NELL1: variants seen among roughly 807,000 people sequenced by gnomAD.
NELL1 encodes the protein protein kinase C-binding protein NELL1.
In NELL1, 76 loss-of-function variants were observed where a neutral mutation model predicts 107.4. The observed-to-expected ratio is 0.71, with a 90% confidence interval of 0.59 to 0.86. The LOEUF (loss-of-function observed/expected upper bound fraction) is 0.86. NELL1 is among the 40% of genes least tolerant of loss of function. NELL1 has a pLI of 0.00. For synonymous variants in NELL1, 353 were observed against 341.2 expected (o/e 1.03, Z -0.38); for missense variants, 1,024 against 1,005.5 (o/e 1.02, Z -0.25).
chr11:21,318,047 A>G (rs570465995), intron 14 of NELL1, among the ~76,000 whole-genome samples: 1 of 152,158 alleles, frequency 6.6e-6, no homozygotes, highest in Admixed American at 6.6e-5. Context: ...GAAGACAGCT[A>G]TTAATCCTGG....
At chr11:21,082,868 A>G (rs1854302361) in intron 12 of NELL1, among the ~76,000 whole-genome samples, 1 of 152,222 alleles carries the variant, frequency 6.6e-6, no homozygotes, top group African/African-American at 2.4e-5. Context: ...GCGAAAACAT[A>G]CAGCATAGTG....
chr11:21,242,973 G>A (rs1310799580), intron 14 of NELL1, among the ~76,000 whole-genome samples: 8 of 152,038 alleles, frequency 5.3e-5, no homozygotes, highest in African/African-American at 1.9e-4. Context: ...TTGTCCATAT[G>A]ACAGTTCCCT....
intron 15 of NELL1, among the ~76,000 whole-genome samples, chr11:21,436,788 G>A (rs542154651): frequency 2.0e-5 from 3 of 151,848 alleles, no homozygotes. Context: ...TGCTTTTTCT[G>A]TGTCCCATTG....
At chr11:21,189,530 G>C (rs1857005527) in intron 13 of NELL1, among the ~76,000 whole-genome samples, 2 of 151,716 alleles carry the variant, frequency 1.3e-5, no homozygotes. Context: ...CTATACTTTA[G>C]ACAAGGCATG....
chr11:21,375,597 G>C (rs1023923116), intron 15 of NELL1, among the ~76,000 whole-genome samples: 1 of 152,054 alleles, frequency 6.6e-6, no homozygotes. Flanking sequence ...GGATCAAATA[G>C]TAGTTTTAAG....
chr11:20,698,940 G>T (rs1854695308), intron 2 of NELL1, among the ~76,000 whole-genome samples: 1 of 152,088 alleles, frequency 6.6e-6, no homozygotes, highest in African/African-American at 2.4e-5. Context: ...CTCCAAACTG[G>T]GCGTGGTGGC....
At chr11:21,296,716 TAGAC>T (rs1312018518) in intron 14 of NELL1, among the ~76,000 whole-genome samples, 2 of 151,898 alleles carry the variant, frequency 1.3e-5, no homozygotes, top group African/African-American at 4.8e-5. Flanking sequence ...TCAAACAACT[TAGAC>T]AGATGGAATG....
chr11:20,838,602 G>T (rs1328903896), intron 3 of NELL1, among the ~76,000 whole-genome samples: 1 of 151,848 alleles, frequency 6.6e-6, no homozygotes, highest in Non-Finnish European at 1.5e-5. Flanking sequence ...GAGAAGACTG[G>T]GTACAGGATG....
intron 5 of NELL1, among the ~76,000 whole-genome samples, chr11:20,910,814 G>A (rs1034556618): frequency 6.6e-6 from 1 of 152,212 alleles, no homozygotes; most frequent in Non-Finnish European, 1.5e-5. Flanking sequence ...GAATGTACCA[G>A]TTATGAATTT....
chr11:21,059,290 C>G (rs1368329698), intron 12 of NELL1, among the ~76,000 whole-genome samples: 1 of 146,186 alleles, frequency 6.8e-6, no homozygotes, highest in Admixed American at 6.9e-5. Context: ...AAATTTGTAT[C>G]TGCAGATAAA....
intron 3 of NELL1, among the ~76,000 whole-genome samples, chr11:20,803,003 C>T (rs1857309889): frequency 6.6e-6 from 1 of 152,082 alleles, no homozygotes; most frequent in Non-Finnish European, 1.5e-5. Flanking sequence ...CAACAATGTT[C>T]ATCAGTGATA....
At chr11:21,376,991 G>A (rs1473931880) in intron 15 of NELL1, among the ~76,000 whole-genome samples, 2 of 151,876 alleles carry the variant, frequency 1.3e-5, no homozygotes, top group African/African-American at 4.8e-5. Context: ...TGTGCATGGA[G>A]AGAGACAGTT....
intron 13 of NELL1, among the ~76,000 whole-genome samples, chr11:21,130,722 T>C (rs944387443): frequency 3.9e-5 from 6 of 152,324 alleles, no homozygotes; most frequent in Non-Finnish European, 7.4e-5. Context: ...ACATTTGCAA[T>C]TGGTCCCCAA....
intron 14 of NELL1, among the ~76,000 whole-genome samples, chr11:21,349,355 G>T (rs1156709533): frequency 6.6e-6 from 1 of 152,084 alleles, no homozygotes; most frequent in Admixed American, 6.6e-5. Flanking sequence ...ACAAACACCT[G>T]CCTGAGTCTA....
intron 12 of NELL1, among the ~76,000 whole-genome samples, chr11:21,096,259 T>C (rs1854640247): frequency 6.6e-6 from 1 of 152,150 alleles, no homozygotes; most frequent in Non-Finnish European, 1.5e-5. Context: ...CCCACCACAC[T>C]GTGTTCTTTG....
intron 13 of NELL1, among the ~76,000 whole-genome samples, chr11:21,146,112 A>T (rs1855973032): frequency 6.6e-6 from 1 of 152,222 alleles, no homozygotes; most frequent in Non-Finnish European, 1.5e-5. Flanking sequence ...TTATCATCAA[A>T]GGCTGTTGTG....
At chr11:20,698,991 C>T (rs1337784866) in intron 2 of NELL1, among the ~76,000 whole-genome samples, 1 of 151,970 alleles carries the variant, frequency 6.6e-6, no homozygotes, top group Admixed American at 6.6e-5. Flanking sequence ...CCGAGGTGGG[C>T]AGATCACCTG....
At chr11:20,678,200 A>T (rs1854109141) in intron 2 of NELL1, 140 bp downstream of exon 2, 3 of 923,372 alleles carry the variant, frequency 3.2e-6, no homozygotes, top group Non-Finnish European at 5.1e-6. Context: ...TTAGATATGC[A>T]GGGGGTATTA....
chr11:21,452,132 G>A (rs1853603367), intron 15 of NELL1, among the ~76,000 whole-genome samples: 1 of 152,116 alleles, frequency 6.6e-6, no homozygotes, highest in Non-Finnish European at 1.5e-5. Flanking sequence ...GAGAAGGAGA[G>A]AGGAAGGAAA....
Sources: allele counts gnomAD v4.1 joint callset (sites outside exome capture counted in the v4.1 genomes callset), GRCh38; gene constraint gnomAD v4.1.1; transcripts MANE v1.5; gene names NCBI Gene and HGNC (gene_info 2026-07-23, HGNC 2026-07-21).